Variants in EYS observed in about 807,000 individuals in gnomAD.
EYS encodes protein eyes shut homolog.
Under a neutral mutation model 282.1 loss-of-function variants are expected in EYS, and 250 were observed. The ratio of observed to expected loss-of-function variants is 0.89; its 90% confidence interval spans 0.80 to 0.98. The LOEUF (loss-of-function observed/expected upper bound fraction) is 0.98, where lower values mean the gene tolerates loss of function less well. Among genes scored for constraint, EYS ranks in the 50% least tolerant of loss-of-function variants. EYS has a pLI of 0.00. For synonymous variants in EYS, 1,355 were observed against 1,282.9 expected (o/e 1.06, Z -1.20); for missense variants, 4,016 against 3,709.0 (o/e 1.08, Z -2.15).
intron 1 of EYS, among the ~76,000 whole-genome samples, chr6:65,643,910 A>C (rs1767369822): frequency 6.6e-6 from 1 of 152,146 alleles, no homozygotes; most frequent in Non-Finnish European, 1.5e-5. Context: ...GTGGGACAAA[A>C]AAATCTGAAC....
chr6:64,363,658 T>C (rs1258729272), intron 29 of EYS, among the ~76,000 whole-genome samples: 6 of 151,948 alleles, frequency 3.9e-5, no homozygotes, highest in African/African-American at 1.4e-4. Context: ...CGTTTACTAT[T>C]ATTTCATTAA....
At chr6:63,752,868 G>T (rs1399128932) in intron 41 of EYS, among the ~76,000 whole-genome samples, 1 of 151,944 alleles carries the variant, frequency 6.6e-6, no homozygotes, top group Non-Finnish European at 1.5e-5. Context: ...GTAGTGCTCT[G>T]TTTTTGGTGT....
chr6:63,756,451 C>T (rs991104319), intron 41 of EYS, among the ~76,000 whole-genome samples: 1 of 152,132 alleles, frequency 6.6e-6, no homozygotes, highest in Non-Finnish European at 1.5e-5. Flanking sequence ...TATGTTGAAC[C>T]AGCCTTGCAT....
At chr6:64,620,053 T>C (rs966796689) in intron 23 of EYS, among the ~76,000 whole-genome samples, 14 of 152,072 alleles carry the variant, frequency 9.2e-5, no homozygotes, top group African/African-American at 3.4e-4. Context: ...TAGTCAAGAT[T>C]CATTACAAGA....
At chr6:65,668,260 A>G (rs945805452) in intron 1 of EYS, among the ~76,000 whole-genome samples, 3 of 151,892 alleles carry the variant, frequency 2.0e-5, no homozygotes, top group African/African-American at 7.2e-5. Context: ...TATGTGTTTA[A>G]AAGTACCCTA....
intron 2 of EYS, among the ~76,000 whole-genome samples, chr6:65,529,524 G>C (rs1195914474): frequency 1.3e-5 from 2 of 152,078 alleles, no homozygotes; most frequent in Non-Finnish European, 2.9e-5. Context: ...TAAATTGCCT[G>C]TCTATTACTC....
chr6:65,316,629 T>TA (rs112371064), intron 11 of EYS, among the ~76,000 whole-genome samples: 15,021 of 151,318 alleles, frequency 0.099, 1,067 homozygotes, highest in African/African-American at 0.2. Context: ...ATCCCTCCCC[T>TA]AGCCCCTCTC....
intron 22 of EYS, among the ~76,000 whole-genome samples, chr6:64,646,422 T>C (rs1412278724): frequency 6.6e-6 from 1 of 152,172 alleles, no homozygotes; most frequent in Non-Finnish European, 1.5e-5. Context: ...AAAAGAGACA[T>C]TTAACCTTCT....
chr6:64,426,694 G>A (rs1774419522), intron 28 of EYS, among the ~76,000 whole-genome samples: 1 of 152,082 alleles, frequency 6.6e-6, no homozygotes, highest in African/African-American at 2.4e-5. Flanking sequence ...GATAGAATTG[G>A]ATCAAGTCCT....
At chr6:63,911,715 C>A (rs1305787535) in intron 35 of EYS, among the ~76,000 whole-genome samples, 4 of 152,074 alleles carry the variant, frequency 2.6e-5, no homozygotes, top group African/African-American at 9.7e-5. Context: ...AGGTTAAATA[C>A]AAATATTTTT....
chr6:64,710,808 T>C (rs1771186400), intron 22 of EYS, among the ~76,000 whole-genome samples: 1 of 152,242 alleles, frequency 6.6e-6, no homozygotes, highest in Admixed American at 6.5e-5. Flanking sequence ...CATGTTTTCT[T>C]GTGGAACATT....
At chr6:63,983,995 A>T (rs1767229306) in intron 35 of EYS, among the ~76,000 whole-genome samples, 1 of 151,556 alleles carries the variant, frequency 6.6e-6, no homozygotes, top group African/African-American at 2.4e-5. Flanking sequence ...CAGATGAGTA[A>T]AAAACAAATA....
At chr6:64,062,691 C>CAAAAA (rs1023609648) in intron 33 of EYS, among the ~76,000 whole-genome samples, 7 of 58,944 alleles carry the variant, frequency 1.2e-4, no homozygotes, top group Admixed American at 2.0e-4. Flanking sequence ...AACTCCAACT[C>CAAAAA]AAAAAAAAAA....
chr6:64,453,119 C>T (rs1175223541), intron 26 of EYS, among the ~76,000 whole-genome samples: 3 of 151,914 alleles, frequency 2.0e-5, no homozygotes, highest in Non-Finnish European at 4.4e-5. Context: ...TGACAAAGGG[C>T]TAATATCCAG....
At chr6:65,663,256 G>A (rs1170738113) in intron 1 of EYS, among the ~76,000 whole-genome samples, 2 of 152,138 alleles carry the variant, frequency 1.3e-5, no homozygotes, top group Non-Finnish European at 2.9e-5. Flanking sequence ...AGAACAGGAA[G>A]AGAGTTCGAT....
In EYS at chr6:65,494,825, T is replaced by C; in HGVS notation, c.586A>G (p.Lys196Glu). The change falls in exon 4 of 43, where the codon AAG becomes GAG. Residue 196 changes from lysine to glutamate, a missense_variant. By Grantham distance (56) the Lys-to-Glu change is moderately conservative. Transcript: ENST00000503581. ...HGKCLSEAWS[K>E]TYSCHCQPPF... is the part of the protein sequence containing the mutation. ...GGCTGGCAATGGCAGCTATATGTCT[T>C]GCTCCAAGCTTCACTAAGACATTTA... The C allele has an allele frequency of 5.0e-6, 8 of 1,614,116 alleles. No homozygotes were observed. The highest frequency in any genetic ancestry group is 2.2e-5 in the South Asian group (2 of 91,092).
chr6:64,933,641 C>A (rs999069922), intron 15 of EYS, among the ~76,000 whole-genome samples: 3 of 152,102 alleles, frequency 2.0e-5, no homozygotes, highest in African/African-American at 4.8e-5. Context: ...GGGTATATAC[C>A]TGAAGGATTA....
In EYS at chr6:65,551,095, A is replaced by G. The variant is rs1421415558; in HGVS notation, c.-332-55102T>C. On this transcript the variant is annotated intron_variant, in intron 2 of 42. Transcript: ENST00000503581. ...TTCACAATTGCTTCAAAGAGAATAA[A>G]ATACCTAGGAATCCAACTTACAAGG... is the stretch of plus-strand genomic sequence containing the variant. Among the ~76,000 whole-genome samples, 2 of 53,538 alleles carry G rather than the reference A, an allele frequency of 3.7e-5. 1 individual carries two copies. The highest frequency in any genetic ancestry group is 5.9e-5 in the Non-Finnish European group (2 of 34,172). 35.1% of individuals were successfully genotyped at this position (53,538 alleles called of 152,430 possible). A position where few individuals can be genotyped will look rare whatever the true frequency, so the allele number is the denominator to read the frequency against.
chr6:64,297,393 A>G (rs1245054876), intron 30 of EYS, among the ~76,000 whole-genome samples: 1 of 152,366 alleles, frequency 6.6e-6, no homozygotes, highest in South Asian at 2.1e-4. Flanking sequence ...TGCCCAGGAA[A>G]GGGTTTATAA....
Sources: gnomAD v4.1 joint callset for allele counts (sites outside exome capture counted in the v4.1 genomes callset) on GRCh38, gnomAD v4.1.1 for gene constraint, MANE v1.5 for transcripts, NCBI Gene and HGNC (gene_info 2026-07-23, HGNC 2026-07-21) for gene names.